The following TRPM3 variants were observed in gnomAD, a reference collection of about 807,000 sequenced individuals.
TRPM3 encodes the protein transient receptor potential cation channel subfamily M member 3, also known as long transient receptor potential channel 3.
TRPM3 carries 77 observed loss-of-function variants against 181.2 expected under a neutral mutation model. The observed-to-expected ratio is 0.42, with a 90% CI of 0.35 to 0.51. The LOEUF is 0.51. Ranked by LOEUF, TRPM3 falls within the 20% of genes least tolerant of loss-of-function variation. The pLI is 0.01. For synonymous variants in TRPM3, 745 were observed against 796.4 expected, an observed-to-expected ratio of 0.94 and a Z score of 1.09; for missense variants, 1,759 against 2,196.7, an observed-to-expected ratio of 0.80 and a Z score of 3.98.
chr9:71,109,971 G>A (rs1307127414), intron 1 of TRPM3, among the ~76,000 whole-genome samples: 2 of 152,090 alleles, frequency 1.3e-5, no homozygotes, highest in Non-Finnish European at 2.9e-5. Context: ...TTCATTTTCA[G>A]TCCCTGTACA....
intron 1 of TRPM3, among the ~76,000 whole-genome samples, chr9:70,870,048 A>G (rs946301159): frequency 2.0e-5 from 3 of 152,042 alleles, no homozygotes; most frequent in East Asian, 1.9e-4. Context: ...AAACACAGAA[A>G]TAAGTGCTAA....
chr9:70,767,372 A>C (rs1335235852), intron 7 of TRPM3, among the ~76,000 whole-genome samples: 1 of 152,210 alleles, frequency 6.6e-6, no homozygotes, highest in Non-Finnish European at 1.5e-5. Flanking sequence ...TCTGTGTGCC[A>C]GGCACTAAGT....
chr9:70,885,612 G>C (rs1046117643), intron 1 of TRPM3, among the ~76,000 whole-genome samples: 1 of 152,120 alleles, frequency 6.6e-6, no homozygotes, highest in Admixed American at 6.5e-5. Flanking sequence ...TTCTGCACTT[G>C]CTTCTGCTTT....
chr9:71,006,148 G>T (rs1225164819), intron 1 of TRPM3, among the ~76,000 whole-genome samples: 1 of 152,132 alleles, frequency 6.6e-6, no homozygotes, highest in Non-Finnish European at 1.5e-5. Flanking sequence ...GATGTTTATA[G>T]TTAGCCCCGC....
intron 12 of TRPM3, among the ~76,000 whole-genome samples, chr9:70,627,142 T>C (rs1416655153): frequency 1.3e-5 from 2 of 152,146 alleles, no homozygotes; most frequent in East Asian, 3.9e-4. Context: ...TAGTTCACTA[T>C]GGAAATTTGC....
At chr9:71,032,175 A>G (rs1385271064) in intron 1 of TRPM3, among the ~76,000 whole-genome samples, 1 of 104,518 alleles carries the variant, frequency 9.6e-6, no homozygotes, top group Non-Finnish European at 2.0e-5. Flanking sequence ...TATATTATAT[A>G]TACTATATAT....
chr9:71,039,911 G>C (rs1455547013), intron 1 of TRPM3, among the ~76,000 whole-genome samples: 1 of 152,142 alleles, frequency 6.6e-6, no homozygotes, highest in East Asian at 1.9e-4. Flanking sequence ...GAATATGATG[G>C]TCACATTTTA....
intron 1 of TRPM3, among the ~76,000 whole-genome samples, chr9:70,925,358 T>C (rs889138603): frequency 2.0e-5 from 3 of 152,052 alleles, no homozygotes; most frequent in African/African-American, 7.2e-5. Context: ...CCTACCGCAA[T>C]GATGTATTAC....
intron 8 of TRPM3, among the ~76,000 whole-genome samples, chr9:70,688,160 T>G (rs2067474791): frequency 6.6e-6 from 1 of 152,170 alleles, no homozygotes; most frequent in South Asian, 2.1e-4. Context: ...GTGCAGCTGT[T>G]CAGGCCATCT....
At chr9:71,149,426 C>G (rs2075608005) in intron 1 of TRPM3, among the ~76,000 whole-genome samples, 1 of 151,598 alleles carries the variant, frequency 6.6e-6, no homozygotes, top group Admixed American at 6.6e-5. Context: ...CGAAACAAAA[C>G]AACAAAAAAC....
chr9:71,147,239 A>G (rs539748709), intron 1 of TRPM3, among the ~76,000 whole-genome samples: 3 of 152,284 alleles, frequency 2.0e-5, no homozygotes, highest in African/African-American at 7.2e-5. Context: ...CTTAGTTAGT[A>G]TTAACTGTGG....
intron 1 of TRPM3, among the ~76,000 whole-genome samples, chr9:71,152,004 T>C (rs1337920687): frequency 6.6e-6 from 1 of 152,138 alleles, no homozygotes; most frequent in African/African-American, 2.4e-5. Flanking sequence ...AGAAAAGGTG[T>C]AAGAACCCTG....
intron 1 of TRPM3, among the ~76,000 whole-genome samples, chr9:70,995,842 G>A (rs2097536928): frequency 6.6e-6 from 1 of 152,090 alleles, no homozygotes; most frequent in African/African-American, 2.4e-5. Flanking sequence ...TTACTTAACT[G>A]TCCCGTCTTG....
chr9:70,995,394 T>C (rs1403508352), intron 1 of TRPM3, among the ~76,000 whole-genome samples: 1 of 152,206 alleles, frequency 6.6e-6, no homozygotes, highest in Non-Finnish European at 1.5e-5. Context: ...CTCTTATCTT[T>C]CCTAAAAGTG....
intron 1 of TRPM3, among the ~76,000 whole-genome samples, chr9:71,240,296 T>C (rs2081588466): frequency 6.6e-6 from 1 of 152,204 alleles, no homozygotes; most frequent in South Asian, 2.1e-4. Flanking sequence ...GTTATTGTGA[T>C]AATCTTCAAA....
intron 1 of TRPM3, among the ~76,000 whole-genome samples, chr9:71,237,571 T>C (rs1369695036): frequency 6.6e-6 from 1 of 152,160 alleles, no homozygotes; most frequent in African/African-American, 2.4e-5. Flanking sequence ...GGATTTAATT[T>C]TTTTAAAGTT....
chr9:70,905,807 A>G, intron 1 of TRPM3, among the ~76,000 whole-genome samples: 1 of 151,884 alleles, frequency 6.6e-6, no homozygotes, highest in East Asian at 1.9e-4. Flanking sequence ...CGGTGGTGCA[A>G]TTGCAGCTCA....
chr9:71,032,203 A>ACT (rs2057610873), intron 1 of TRPM3, among the ~76,000 whole-genome samples: 7 of 129,024 alleles, frequency 5.4e-5, no homozygotes, highest in South Asian at 2.2e-4. Flanking sequence ...TATAATATAT[A>ACT]ATATATAGCA....
intron 7 of TRPM3, 49 bp from the exon 8 acceptor site, chr9:70,761,773 C>A: frequency 1.3e-6 from 2 of 1,567,096 alleles, no homozygotes. Context: ...TCCTATTCAG[C>A]AAGTATTTCT....
Sources: allele counts gnomAD v4.1 joint callset (sites outside exome capture counted in the v4.1 genomes callset), GRCh38; gene constraint gnomAD v4.1.1; transcripts MANE v1.5; gene names NCBI Gene and HGNC (gene_info 2026-07-23, HGNC 2026-07-21).